Variants in TUSC3 observed in about 807,000 individuals in gnomAD.
TUSC3 encodes the protein tumor suppressor candidate 3.
Under a neutral mutation model 44.8 loss-of-function variants are expected in TUSC3, and 45 were observed. The ratio of observed to expected loss-of-function variants is 1.00; its 90% confidence interval spans 0.79 to 1.29. The LOEUF is 1.29. Among genes scored for constraint, TUSC3 ranks in the 50% most tolerant of loss-of-function variants. The pLI is 0.00. For missense variants in TUSC3, 519 were observed against 437.9 expected (o/e 1.19, Z -1.65); for synonymous variants, 212 against 152.9 (o/e 1.39, Z -2.85).
the TUSC3 span, among the ~76,000 whole-genome samples, chr8:15,827,105 G>A: frequency 6.6e-6 from 1 of 152,068 alleles, no homozygotes; most frequent in South Asian, 2.1e-4. Context: ...TCTTGACTCC[G>A]AAGCTTTTCT....
At chr8:15,447,599 A>G (rs1008545306) in intron 1 of TUSC3, among the ~76,000 whole-genome samples, 7 of 152,218 alleles carry the variant, frequency 4.6e-5, no homozygotes, top group East Asian at 1.9e-4. Context: ...TAGATTTGAC[A>G]CAAAGATTCT....
At chr8:15,689,137 C>G (rs996148476) in intron 6 of TUSC3, 17 of 396,972 alleles carry the variant, frequency 4.3e-5, no homozygotes, top group Non-Finnish European at 3.5e-5. Flanking sequence ...TCTTCTAGCT[C>G]ATTTATCGCT....
At chr8:15,703,713 T>C (rs1809498666) in intron 6 of TUSC3, among the ~76,000 whole-genome samples, 1 of 152,020 alleles carries the variant, frequency 6.6e-6, no homozygotes, top group African/African-American at 2.4e-5. Flanking sequence ...TACCAGATTC[T>C]CTTAAATCAT....
intron 7 of TUSC3, among the ~76,000 whole-genome samples, chr8:15,743,187 A>G (rs892664848): frequency 3.9e-5 from 6 of 152,238 alleles, no homozygotes; most frequent in African/African-American, 1.4e-4. Context: ...TGTGTCAATG[A>G]CATGTGTCAT....
At chr8:15,422,717 T>A (rs994837294) in intron 1 of TUSC3, among the ~76,000 whole-genome samples, 13 of 152,012 alleles carry the variant, frequency 8.6e-5, no homozygotes, top group Admixed American at 6.6e-4. Context: ...AGTGATATGA[T>A]CAAAGGTCAC....
chr8:15,433,940 G>GTGGATATGTGTTTTTATTTT, intron 1 of TUSC3, among the ~76,000 whole-genome samples: 1 of 152,224 alleles, frequency 6.6e-6, no homozygotes, highest in East Asian at 1.9e-4. Flanking sequence ...AGAGCTTTCT[G>GTGGATATGTGTTTTTATTTT]TGGATATGTG....
chr8:15,806,308 A>T, the TUSC3 span: 1 of 699,458 alleles, frequency 1.4e-6, no homozygotes. Context: ...ACATGGACTA[A>T]GTCAGGGACA....
intron 1 of TUSC3, among the ~76,000 whole-genome samples, chr8:15,559,222 C>T (rs1307186657): frequency 7.1e-6 from 1 of 141,448 alleles, no homozygotes; most frequent in Non-Finnish European, 1.6e-5. Flanking sequence ...TCGTTGGTTT[C>T]AAAGAACATC....
At chr8:15,424,182 T>C (rs907499992) in intron 1 of TUSC3, among the ~76,000 whole-genome samples, 3 of 151,166 alleles carry the variant, frequency 2.0e-5, no homozygotes, top group Non-Finnish European at 4.4e-5. Flanking sequence ...ATAGAGGGGG[T>C]TTCACCATGT....
the TUSC3 span, among the ~76,000 whole-genome samples, chr8:15,809,462 C>T: frequency 6.6e-6 from 1 of 151,800 alleles, no homozygotes; most frequent in Non-Finnish European, 1.5e-5. Context: ...TTTGGTGTTA[C>T]ACCTATTTGA....
At chr8:15,726,357 T>G (rs71524164) in intron 6 of TUSC3, among the ~76,000 whole-genome samples, 1 of 152,176 alleles carries the variant, frequency 6.6e-6, no homozygotes, top group African/African-American at 2.4e-5. Context: ...ATATATATTG[T>G]TTTTTCATAT....
intron 8 of TUSC3, among the ~76,000 whole-genome samples, chr8:15,746,993 C>G (rs1230215012): frequency 6.6e-6 from 1 of 152,010 alleles, no homozygotes; most frequent in Admixed American, 6.6e-5. Flanking sequence ...TGAAGTTCAG[C>G]TGCATGAGTG....
chr8:15,693,931 G>T (rs901275162), intron 6 of TUSC3, among the ~76,000 whole-genome samples: 1 of 151,862 alleles, frequency 6.6e-6, no homozygotes. Flanking sequence ...CATTTGTGCT[G>T]TTGATACTTG....
the TUSC3 span, among the ~76,000 whole-genome samples, chr8:15,772,767 A>G: frequency 6.6e-6 from 1 of 152,200 alleles, no homozygotes; most frequent in African/African-American, 2.4e-5. Flanking sequence ...ATACTAGCAA[A>G]CAATCCAGCA....
chr8:15,741,093 C>G (rs926409720), intron 7 of TUSC3, among the ~76,000 whole-genome samples: 2 of 152,024 alleles, frequency 1.3e-5, no homozygotes, highest in African/African-American at 4.8e-5. Flanking sequence ...AATTAATGCC[C>G]TGTAAAATAT....
intron 1 of TUSC3, among the ~76,000 whole-genome samples, chr8:15,437,214 G>A (rs1018134082): frequency 3.3e-5 from 5 of 152,082 alleles, no homozygotes; most frequent in Non-Finnish European, 7.4e-5. Flanking sequence ...ACAAAGAATA[G>A]GAGATAATTG....
At chr8:15,792,845 C>A in the TUSC3 span, among the ~76,000 whole-genome samples, 1 of 151,982 alleles carries the variant, frequency 6.6e-6, no homozygotes, top group Non-Finnish European at 1.5e-5. Flanking sequence ...TCTCAAACTC[C>A]TAGTCTCAAG....
intron 1 of TUSC3, among the ~76,000 whole-genome samples, chr8:15,601,112 C>G (rs543832807): frequency 6.6e-6 from 1 of 151,576 alleles, no homozygotes; most frequent in African/African-American, 2.4e-5. Context: ...GTTACAGTAT[C>G]CATAGGTAGC....
At chr8:15,752,315 G>T (rs1030033284) in intron 9 of TUSC3, among the ~76,000 whole-genome samples, 2 of 152,104 alleles carry the variant, frequency 1.3e-5, no homozygotes, top group Non-Finnish European at 2.9e-5. Flanking sequence ...TGAGGATTAT[G>T]AGTATACTGC....
Sources: gnomAD v4.1 joint callset for allele counts (sites outside exome capture counted in the v4.1 genomes callset) on GRCh38, gnomAD v4.1.1 for gene constraint, MANE v1.5 for transcripts, NCBI Gene and HGNC (gene_info 2026-07-23, HGNC 2026-07-21) for gene names.